Variants in NRG3 observed in about 807,000 individuals in gnomAD.
NRG3 encodes the protein pro-neuregulin-3, membrane-bound isoform.
Under a neutral mutation model 66.9 loss-of-function variants are expected in NRG3, and 31 were observed. That is an observed-to-expected ratio of 0.46 (90% CI 0.35 to 0.63). The LOEUF is 0.63. Ranked by LOEUF, NRG3 falls within the 20% of genes least tolerant of loss-of-function variation. The pLI is 0.00. For synonymous variants in NRG3, 393 were observed against 359.4 expected, an observed-to-expected ratio of 1.09 and a Z score of -1.06; for missense variants, 910 against 878.9, an observed-to-expected ratio of 1.04 and a Z score of -0.45.
At chr10:82,567,918 A>G (rs1306991371) in intron 2 of NRG3, among the ~76,000 whole-genome samples, 1 of 151,814 alleles carries the variant, frequency 6.6e-6, no homozygotes, top group Non-Finnish European at 1.5e-5. Context: ...AAAATCATAC[A>G]CCTAAAGCTG....
chr10:82,003,985 GAA>G lies in NRG3; in HGVS notation c.823+127825_823+127826del, dbSNP rs1325014940. ...CTGGGTGCTGTAAGGATACCTGACT[GAA>G]AACACACACACACACACACACACAC... On this transcript the variant is annotated intron_variant, in intron 1 of 8. Transcript: ENST00000372141. 2.3e-3 allele frequency among the ~76,000 whole-genome samples: 264 copies of G among 115,854 alleles called. 1 individual carries two copies. The highest frequency in any genetic ancestry group is 0.011 in the African/African-American group (254 of 23,238). The allele number at this position is 115,854 out of a possible 152,430, so 76.0% of individuals were successfully genotyped here. A position where few individuals can be genotyped will look rare whatever the true frequency, so the allele number is the denominator to read the frequency against.
chr10:82,007,022 C>A (rs1245062526), intron 1 of NRG3, among the ~76,000 whole-genome samples: 2 of 151,914 alleles, frequency 1.3e-5, no homozygotes, highest in African/African-American at 2.4e-5. Context: ...TAAGAATTGC[C>A]TTAAGGACAT....
At chr10:82,042,110 A>G (rs1459529830) in intron 1 of NRG3, among the ~76,000 whole-genome samples, 1 of 151,966 alleles carries the variant, frequency 6.6e-6, no homozygotes, top group Admixed American at 6.6e-5. Flanking sequence ...CTTTTTCCCC[A>G]TCCAAAATAA....
intron 1 of NRG3, among the ~76,000 whole-genome samples, chr10:81,950,758 C>A (rs2133186169): frequency 1.3e-5 from 2 of 152,276 alleles, no homozygotes; most frequent in Admixed American, 1.3e-4. Flanking sequence ...AAATTATATT[C>A]TTTGCTGTCC....
intron 4 of NRG3, among the ~76,000 whole-genome samples, chr10:82,930,064 T>C (rs1241225951): frequency 6.6e-6 from 1 of 152,192 alleles, no homozygotes; most frequent in Non-Finnish European, 1.5e-5. Flanking sequence ...TGGCTTTAGA[T>C]CGTTCATAAT....
intron 1 of NRG3, among the ~76,000 whole-genome samples, chr10:82,035,912 T>G (rs1345800868): frequency 2.0e-5 from 3 of 152,162 alleles, no homozygotes; most frequent in Non-Finnish European, 4.4e-5. Flanking sequence ...GCAACCTGAA[T>G]TTTTCTACAT....
intron 3 of NRG3, among the ~76,000 whole-genome samples, chr10:82,752,174 C>G (rs553633958): frequency 5.9e-5 from 9 of 152,248 alleles, no homozygotes; most frequent in African/African-American, 2.2e-4. Flanking sequence ...ATAATTAATA[C>G]AGTAACAGTA....
chr10:82,504,711 C>A lies in NRG3; in HGVS notation c.953+145843C>A, dbSNP rs188291327. Among the ~76,000 whole-genome samples, 392 of 152,228 alleles carry A rather than the reference C, an allele frequency of 2.6e-3. 1 individual carries two copies. The highest frequency in any genetic ancestry group is 4.5e-3 in the Non-Finnish European group (308 of 68,006). ...CCCAAATACAAAGTAAGCGCCATCA[C>A]GTTTGGGATAAAAACAAAGTACAGT... On this transcript the variant is annotated intron_variant, in intron 2 of 8. Coordinates refer to ENST00000372141, the MANE Select transcript of NRG3 (RefSeq NM_001010848.4).
chr10:82,794,212 AT>A (rs974271730), intron 3 of NRG3, among the ~76,000 whole-genome samples: 28 of 151,886 alleles, frequency 1.8e-4, no homozygotes, highest in Admixed American at 3.9e-4. Flanking sequence ...AATGGCATCA[AT>A]TTTTTTTGGT....
intron 1 of NRG3, among the ~76,000 whole-genome samples, chr10:82,296,694 A>C (rs1160407060): frequency 6.6e-6 from 1 of 152,078 alleles, no homozygotes; most frequent in Non-Finnish European, 1.5e-5. Flanking sequence ...GCTGTTTTCA[A>C]ATATACAATA....
intron 2 of NRG3, among the ~76,000 whole-genome samples, chr10:82,730,634 A>G (rs1359756539): frequency 1.3e-5 from 2 of 152,212 alleles, no homozygotes; most frequent in Non-Finnish European, 2.9e-5. Flanking sequence ...GTCTGTAGGT[A>G]ATTTTAATAA....
rs151100618 is a variant in NRG3, at chr10:82,213,150, G to A, written c.824-145589G>A. ...GTAATGAGAGCCTTACTTGTAGTCA[G>A]AGCACTTACTATCCAAAACTGTGGC... On this transcript the variant is annotated intron_variant, in intron 1 of 8. Coordinates refer to ENST00000372141, the MANE Select transcript of NRG3 (RefSeq NM_001010848.4). Among the ~76,000 whole-genome samples the A allele has an allele frequency of 2.0e-3, 302 of 152,302 alleles. 2 individuals are homozygous for A. Among genetic ancestry groups the A allele is most frequent in the African/African-American group, 6.7e-3 (277 of 41,564 alleles).
At chr10:81,957,359 A>G (rs1435818584) in intron 1 of NRG3, among the ~76,000 whole-genome samples, 2 of 152,130 alleles carry the variant, frequency 1.3e-5, no homozygotes, top group African/African-American at 4.8e-5. Context: ...TATATTGGCT[A>G]CTGCCTGCTG....
chr10:82,347,715 G>T (rs1360385842), intron 1 of NRG3, among the ~76,000 whole-genome samples: 1 of 152,112 alleles, frequency 6.6e-6, no homozygotes, highest in East Asian at 1.9e-4. Flanking sequence ...TCTCTTTGTA[G>T]GTCACTCAGG....
At chr10:82,810,529 G>A (rs541205907) in intron 3 of NRG3, among the ~76,000 whole-genome samples, 4 of 152,124 alleles carry the variant, frequency 2.6e-5, no homozygotes, top group South Asian at 2.1e-4. Context: ...TTGGGAGGCC[G>A]AGGCAGGTGG....
chr10:82,939,002 T>G (rs1163954426), intron 4 of NRG3, among the ~76,000 whole-genome samples: 1 of 152,192 alleles, frequency 6.6e-6, no homozygotes, highest in Non-Finnish European at 1.5e-5. Context: ...TATCTTAGCA[T>G]TGAAAACTCA....
intron 1 of NRG3, among the ~76,000 whole-genome samples, chr10:81,992,007 T>C (rs946469212): frequency 6.6e-6 from 1 of 152,088 alleles, no homozygotes; most frequent in Non-Finnish European, 1.5e-5. Flanking sequence ...TTTACTTGGC[T>C]AGGATTCTCT....
chr10:82,016,000 C>T (rs1013510706), intron 1 of NRG3, among the ~76,000 whole-genome samples: 3 of 150,014 alleles, frequency 2.0e-5, no homozygotes, highest in African/African-American at 7.4e-5. Context: ...GGATTTGATG[C>T]AGGCAAACTA....
chr10:82,826,400 G>A (rs1371728064), intron 3 of NRG3, among the ~76,000 whole-genome samples: 3 of 152,170 alleles, frequency 2.0e-5, no homozygotes, highest in Non-Finnish European at 2.9e-5. Flanking sequence ...TAAAAGATGC[G>A]TAAGTTTCTG....
Sources: gnomAD v4.1 joint callset for allele counts (sites outside exome capture counted in the v4.1 genomes callset) on GRCh38, gnomAD v4.1.1 for gene constraint, MANE v1.5 for transcripts, NCBI Gene and HGNC (gene_info 2026-07-23, HGNC 2026-07-21) for gene names.